Variants in APP observed in about 807,000 individuals in gnomAD.
APP encodes amyloid beta precursor protein.
In APP, 31 loss-of-function variants were observed where a neutral mutation model predicts 101.4. That is an observed-to-expected ratio of 0.31 (90% CI 0.23 to 0.41). APP has a LOEUF of 0.41. Ranked by LOEUF, APP falls within the 10% of genes least tolerant of loss-of-function variation. The pLI is 1.00. For missense variants in APP, 839 were observed against 1,003.7 expected (o/e 0.84, Z 2.22); for synonymous variants, 366 against 364.4 (o/e 1.00, Z -0.05).
chr21:26,144,146 A>G (rs1340124696), intron 1 of APP, among the ~76,000 whole-genome samples: 1 of 152,146 alleles, frequency 6.6e-6, no homozygotes, highest in Non-Finnish European at 1.5e-5. Flanking sequence ...AGTTCTCGTG[A>G]GAACTAACTC....
At chr21:26,160,826 T>C (rs2063474988) in intron 1 of APP, among the ~76,000 whole-genome samples, 1 of 152,210 alleles carries the variant, frequency 6.6e-6, no homozygotes, top group East Asian at 1.9e-4. Flanking sequence ...ATGGATGAAA[T>C]ATTTCAAAAA....
At chr21:26,072,532 T>C (rs1196112862) in intron 3 of APP, among the ~76,000 whole-genome samples, 1 of 152,242 alleles carries the variant, frequency 6.6e-6, no homozygotes, top group Non-Finnish European at 1.5e-5. Context: ...TGCTTAATTA[T>C]ATATCTTCAC....
At chr21:26,155,209 A>G (rs774225811) in intron 1 of APP, among the ~76,000 whole-genome samples, 38 of 152,328 alleles carry the variant, frequency 2.5e-4, no homozygotes, top group Non-Finnish European at 3.1e-4. Context: ...CAAGATTGCA[A>G]TGAGCAAGCT....
intron 11 of APP, among the ~76,000 whole-genome samples, chr21:25,969,347 CAA>C (rs60834302): frequency 0.016 from 903 of 55,572 alleles, 6 homozygotes; most frequent in African/African-American, 0.035. Context: ...GACTCTGTCT[CAA>C]AAAAAAAAAA....
At chr21:25,931,836 T>A (rs764420895) in intron 13 of APP, among the ~76,000 whole-genome samples, 3 of 152,154 alleles carry the variant, frequency 2.0e-5, no homozygotes, top group Non-Finnish European at 4.4e-5. Context: ...GTGGAGCCAA[T>A]GGAAACATGG....
At chr21:26,138,956 T>G (rs1045252674) in intron 1 of APP, among the ~76,000 whole-genome samples, 1 of 152,188 alleles carries the variant, frequency 6.6e-6, no homozygotes, top group Non-Finnish European at 1.5e-5. Context: ...ATAAAGTGTT[T>G]GCAGTTTTAT....
intron 1 of APP, among the ~76,000 whole-genome samples, chr21:26,163,740 T>A (rs563582066): frequency 5.9e-5 from 9 of 152,330 alleles, no homozygotes; most frequent in African/African-American, 2.2e-4. Context: ...GCTTCTTGAT[T>A]TTTCCCTGCG....
chr21:26,063,502 AG>A (rs1305575780), intron 3 of APP, among the ~76,000 whole-genome samples: 1 of 152,124 alleles, frequency 6.6e-6, no homozygotes, highest in African/African-American at 2.4e-5. Context: ...AAAATATGCA[AG>A]ATGAGACTGC....
chr21:25,978,556 C>T lies in APP; in HGVS notation c.1225-2528G>A, dbSNP rs568703460. 1.7e-3 allele frequency among the ~76,000 whole-genome samples: 266 copies of T among 152,030 alleles called. 11 individuals are homozygous for T. The highest frequency in any genetic ancestry group is 1.0e-3 in the Non-Finnish European group (71 of 67,966). On this transcript the variant is annotated intron_variant, in intron 9 of 17. Transcript: ENST00000346798. ...TCATGTTTTTGTACCCTGTGGTACCCAATTTTTTATTATAAAATAAAAAAT... is the reference window on the plus strand; with the variant it reads ...TCATGTTTTTGTACCCTGTGGTACCTAATTTTTTATTATAAAATAAAAAAT...
At chr21:25,993,635 A>C (rs1163039561) in intron 8 of APP, among the ~76,000 whole-genome samples, 1 of 152,254 alleles carries the variant, frequency 6.6e-6, no homozygotes, top group Non-Finnish European at 1.5e-5. Context: ...GAATTGGATG[A>C]TGCTGACATT....
chr21:26,072,911 C>G (rs570948335), intron 3 of APP, among the ~76,000 whole-genome samples: 1 of 152,220 alleles, frequency 6.6e-6, no homozygotes, highest in African/African-American at 2.4e-5. Context: ...ATGCCATGTT[C>G]ACGAGTTCTC....
intron 1 of APP, among the ~76,000 whole-genome samples, chr21:26,117,235 G>C (rs2062455169): frequency 2.0e-5 from 3 of 152,186 alleles, no homozygotes; most frequent in African/African-American, 7.2e-5. Flanking sequence ...ATAAATACTG[G>C]ATTCCCTTAA....
intron 11 of APP, 78 bp downstream of exon 11, chr21:25,974,992 G>A: frequency 6.3e-7 from 1 of 1,585,066 alleles, no homozygotes; most frequent in South Asian, 1.1e-5. Flanking sequence ...CTTTTTGTAT[G>A]GCTTCCAGTT....
chr21:26,017,690 C>A (rs912522056), intron 6 of APP, among the ~76,000 whole-genome samples: 4 of 152,146 alleles, frequency 2.6e-5, no homozygotes, highest in African/African-American at 9.7e-5. Flanking sequence ...CCATTTATTA[C>A]AATACCCATT....
At position 25,914,156 on chromosome 21, in the gene APP, T is replaced by G. The variant is rs868851852; in HGVS notation, c.1688-2194A>C. Among the ~76,000 whole-genome samples the G allele has an allele frequency of 2.0e-4, 30 of 152,246 alleles. 1 individual carries two copies. The Middle Eastern group carries it at 0.01, about 52-fold the overall frequency. ...TCCTTCAGAGCCATCCAGGACTCCC[T>G]GTATTTCTTCGTGTCCAGTACTCAC... On this transcript the variant is annotated intron_variant, in intron 13 of 17. Coordinates refer to ENST00000346798, the MANE Select transcript of APP (RefSeq NM_000484.4).
chr21:25,938,748 A>T (rs2146423358), intron 13 of APP, among the ~76,000 whole-genome samples: 1 of 152,326 alleles, frequency 6.6e-6, no homozygotes, highest in African/African-American at 2.4e-5. Context: ...AACCGAAGAC[A>T]CCGACAAATA....
At chr21:25,891,521 C>T (rs2037695055) in intron 17 of APP, among the ~76,000 whole-genome samples, 1 of 152,144 alleles carries the variant, frequency 6.6e-6, no homozygotes, top group South Asian at 2.1e-4. Context: ...CACACACTCT[C>T]AATACCTTGA....
intron 2 of APP, among the ~76,000 whole-genome samples, chr21:26,106,538 C>T (rs1207800953): frequency 2.0e-5 from 3 of 152,176 alleles, no homozygotes; most frequent in Non-Finnish European, 4.4e-5. Context: ...TCTTACAGAA[C>T]TGAATACCAT....
Position 26,021,919 on chromosome 21 carries a change from G to A in APP, c.786C>T (p.Tyr262=), listed in dbSNP as rs140941257. The stretch of plus-strand genomic sequence containing the variant: ...TGGTGGTTCTCTCTGTGGCTTCTTC[G>A]TAGGGTTCCTCAGCCTCTTCCTCTA... ...DEVEEEAEEP[Y]EEATERTTSI... is the part of the protein sequence containing the mutation. The change falls in exon 6 of 18, where the codon TAC becomes TAT. Residue 262 remains tyrosine (Y), a synonymous_variant. Coordinates refer to ENST00000346798, the MANE Select transcript of APP (RefSeq NM_000484.4). The A allele has an allele frequency of 4.5e-5, 73 of 1,613,070 alleles. 1 individual carries two copies. The highest frequency in any genetic ancestry group is 3.3e-4 in the African/African-American group (25 of 74,980).
Sources: allele counts gnomAD v4.1 joint callset (sites outside exome capture counted in the v4.1 genomes callset), GRCh38; gene constraint gnomAD v4.1.1; transcripts MANE v1.5; gene names NCBI Gene and HGNC (gene_info 2026-07-23, HGNC 2026-07-21).